The following TRPC4 variants were observed in gnomAD, a reference collection of about 807,000 sequenced individuals.
TRPC4 encodes transient receptor potential cation channel subfamily C member 4, also known as short transient receptor potential channel 4.
A neutral mutation model predicts 99.4 loss-of-function variants in TRPC4; 49 were observed. The ratio of observed to expected loss-of-function variants is 0.49; its 90% CI spans 0.39 to 0.63. TRPC4 has a LOEUF of 0.63. Ranked by LOEUF, TRPC4 falls within the 20% of genes least tolerant of loss-of-function variation. TRPC4 has a pLI of 0.00. For synonymous variants in TRPC4, 454 were observed against 425.9 expected, an observed-to-expected ratio of 1.07 and a Z score of -0.81; for missense variants, 898 against 1,152.9, an observed-to-expected ratio of 0.78 and a Z score of 3.20.
chr13:37,776,017 G>A (rs1393981701), intron 2 of TRPC4, among the ~76,000 whole-genome samples: 1 of 151,754 alleles, frequency 6.6e-6, no homozygotes, highest in Non-Finnish European at 1.5e-5. Flanking sequence ...AGTCAGAATA[G>A]CCAAGTAGCT....
chr13:37,824,954 G>A (rs1219555908), intron 1 of TRPC4, among the ~76,000 whole-genome samples: 2 of 152,140 alleles, frequency 1.3e-5, no homozygotes, highest in Non-Finnish European at 2.9e-5. Flanking sequence ...TTCTGATCCT[G>A]TTATTGGTCT....
intron 1 of TRPC4, among the ~76,000 whole-genome samples, chr13:37,866,379 C>G (rs577655198): frequency 6.6e-6 from 1 of 151,816 alleles, no homozygotes; most frequent in African/African-American, 2.4e-5. Context: ...AGTTCTGAAA[C>G]TATTTCTTTC....
intron 3 of TRPC4, among the ~76,000 whole-genome samples, chr13:37,696,004 C>T (rs1953890860): frequency 6.6e-6 from 1 of 152,160 alleles, no homozygotes; most frequent in African/African-American, 2.4e-5. Context: ...TTTTATACCG[C>T]TGATAAAGAC....
At chr13:37,794,461 A>G (rs1261137815) in intron 1 of TRPC4, among the ~76,000 whole-genome samples, 3 of 152,130 alleles carry the variant, frequency 2.0e-5, no homozygotes, top group Non-Finnish European at 4.4e-5. Context: ...ATACTTATCC[A>G]AAGATTAAAT....
At chr13:37,863,509 TA>T in intron 1 of TRPC4, among the ~76,000 whole-genome samples, 1 of 151,634 alleles carries the variant, frequency 6.6e-6, no homozygotes, top group South Asian at 2.1e-4. Context: ...GGGCTCTAGA[TA>T]AAATTAAAGA....
At position 37,776,428 on chromosome 13, in the gene TRPC4, A is replaced by C. The variant is rs112268105; in HGVS notation, c.378+6528T>G. Among the ~76,000 whole-genome samples, 821 of 151,874 alleles carry C rather than the reference A, an allele frequency of 5.4e-3. 7 individuals are homozygous for C. The highest frequency in any genetic ancestry group is 0.022 in the South Asian group (108 of 4,820). On this transcript the variant is annotated intron_variant, in intron 2 of 10. Coordinates refer to ENST00000379705, the MANE Select transcript of TRPC4 (RefSeq NM_016179.4). ...GGGAGAAATGAGCGTCTTTAATACT[A>C]TACTATAACTCTTATTCTTTTGCTC...
chr13:37,733,783 TAATC>T (rs1241136381), intron 3 of TRPC4, among the ~76,000 whole-genome samples: 6 of 152,112 alleles, frequency 3.9e-5, no homozygotes, highest in Non-Finnish European at 7.4e-5. Context: ...ACTGCACTAA[TAATC>T]AAATCAGATA....
At chr13:37,686,282 G>A (rs1200925600) in intron 4 of TRPC4, among the ~76,000 whole-genome samples, 1 of 151,630 alleles carries the variant, frequency 6.6e-6, no homozygotes, top group East Asian at 2.0e-4. Context: ...GCACACACAC[G>A]TATATATACA....
Position 37,846,895 on chromosome 13 carries a change from G to A in TRPC4, c.-28+22700C>T, listed in dbSNP as rs562246676. Among the ~76,000 whole-genome samples, 16 of 152,070 alleles carry A rather than the reference G, an allele frequency of 1.1e-4. No homozygotes were observed. In the South Asian group the frequency reaches 3.1e-3, roughly 30 times the overall value. On this transcript the variant is annotated intron_variant, in intron 1 of 10. Coordinates refer to ENST00000379705, the MANE Select transcript of TRPC4 (RefSeq NM_016179.4). The stretch of plus-strand genomic sequence containing the variant: ...AGTATTTCCCACAAATGGAAATTAA[G>A]AGAATAAGAGTAGTTACACTTAGAC...
intron 3 of TRPC4, among the ~76,000 whole-genome samples, chr13:37,698,167 C>CTTTTTTTTTTGTTTTTTTTTTTTTT (rs1953981678): frequency 2.3e-5 from 1 of 42,556 alleles, no homozygotes; most frequent in Non-Finnish European, 3.7e-5. Flanking sequence ...AAGGACTAAC[C>CTTTTTTTTTTGTTTTTTTTTTTTTT]TTTTTTTTTT....
chr13:37,680,099 G>C (rs937223551), intron 4 of TRPC4, among the ~76,000 whole-genome samples: 18 of 152,130 alleles, frequency 1.2e-4, no homozygotes, highest in Non-Finnish European at 2.5e-4. Flanking sequence ...CAGTGCACTT[G>C]GACAACATTT....
intron 1 of TRPC4, among the ~76,000 whole-genome samples, chr13:37,794,369 C>T (rs547505592): frequency 5.9e-5 from 9 of 152,094 alleles, no homozygotes; most frequent in African/African-American, 1.9e-4. Context: ...TTGATGACTT[C>T]GAAAGCTAAC....
chr13:37,866,059 T>C (rs968893803), intron 1 of TRPC4, among the ~76,000 whole-genome samples: 3 of 151,760 alleles, frequency 2.0e-5, no homozygotes, highest in African/African-American at 7.2e-5. Flanking sequence ...TTGAAGTAAT[T>C]TTTCAACATA....
At chr13:37,702,573 G>A (rs1428900034) in intron 3 of TRPC4, among the ~76,000 whole-genome samples, 1 of 152,090 alleles carries the variant, frequency 6.6e-6, no homozygotes, top group Non-Finnish European at 1.5e-5. Flanking sequence ...GTGGTGAATT[G>A]TGGCATTAGA....
At chr13:37,685,483 G>T (rs536177534) in intron 4 of TRPC4, among the ~76,000 whole-genome samples, 2 of 152,142 alleles carry the variant, frequency 1.3e-5, no homozygotes, top group South Asian at 4.2e-4. Flanking sequence ...TGTGAAGTTC[G>T]AACAAAAGAA....
chr13:37,837,263 G>A (rs1228151232), intron 1 of TRPC4, among the ~76,000 whole-genome samples: 1 of 152,218 alleles, frequency 6.6e-6, no homozygotes, highest in Non-Finnish European at 1.5e-5. Context: ...CCCTACCAGG[G>A]CACCACCTAG....
chr13:37,824,205 A>G (rs1958126434), intron 1 of TRPC4, among the ~76,000 whole-genome samples: 1 of 151,028 alleles, frequency 6.6e-6, no homozygotes, highest in African/African-American at 2.5e-5. Flanking sequence ...ATATAAAATC[A>G]TGTCATCTGC....
chr13:37,788,370 T>C (rs1244863561), intron 1 of TRPC4, among the ~76,000 whole-genome samples: 1 of 152,198 alleles, frequency 6.6e-6, no homozygotes. Context: ...TTTATAAACT[T>C]TAAGCTCATC....
intron 3 of TRPC4, among the ~76,000 whole-genome samples, chr13:37,715,496 A>G (rs552255064): frequency 2.8e-4 from 42 of 152,184 alleles, no homozygotes; most frequent in Non-Finnish European, 2.9e-4. Context: ...AAATGAGATA[A>G]AGGATGTGAA....
Sources: gnomAD v4.1 joint callset for allele counts (sites outside exome capture counted in the v4.1 genomes callset) on GRCh38, gnomAD v4.1.1 for gene constraint, MANE v1.5 for transcripts, NCBI Gene and HGNC (gene_info 2026-07-23, HGNC 2026-07-21) for gene names.